The following DGKH variants were observed in gnomAD, a reference collection of about 807,000 sequenced individuals.
DGKH encodes the protein diacylglycerol kinase eta.
DGKH carries 90 observed loss-of-function variants against 159.3 expected under a neutral mutation model. The observed-to-expected ratio is 0.57, with a 90% confidence interval of 0.48 to 0.67. DGKH has a LOEUF of 0.67. Among genes scored for constraint, DGKH ranks in the 30% least tolerant of loss-of-function variants. The pLI, the probability that DGKH is intolerant of heterozygous loss-of-function variation, is 0.00. For synonymous variants in DGKH, 536 were observed against 553.8 expected (o/e 0.97, Z 0.45); for missense variants, 1,181 against 1,506.1 (o/e 0.78, Z 3.57).
chr13:42,224,064 G>A (rs892613529), intron 29 of DGKH, among the ~76,000 whole-genome samples: 1 of 152,118 alleles, frequency 6.6e-6, no homozygotes, highest in Non-Finnish European at 1.5e-5. Context: ...TGCTGCAAAA[G>A]ACATGTTTTC....
At chr13:42,109,791 A>G (rs1344271239) in intron 1 of DGKH, among the ~76,000 whole-genome samples, 1 of 151,996 alleles carries the variant, frequency 6.6e-6, no homozygotes, top group Admixed American at 6.6e-5. Context: ...CACAGAGGAC[A>G]CTCACATTTG....
chr13:42,155,731 G>T lies in DGKH; in HGVS notation c.554G>T (p.Arg185Leu). 5 of 1,613,978 alleles carry T rather than the reference G, an allele frequency of 3.1e-6. No individual in the cohort carries two copies. Among genetic ancestry groups the T allele is most frequent in the Non-Finnish European group, 4.2e-6 (5 of 1,180,002 alleles). Reference protein sequence around the residue: ...MHNWYACSHARPTFCNVCRES... With the variant: ...MHNWYACSHALPTFCNVCRES... Reference sequence around the variant, plus strand: ...AACTGGTACGCCTGCTCCCACGCCCGACCCACCTTCTGTAACGTGTGCAGA... The same window carrying T: ...AACTGGTACGCCTGCTCCCACGCCCTACCCACCTTCTGTAACGTGTGCAGA... The change falls in exon 5 of 30, where the codon CGA becomes CTA. Residue 185 changes from arginine to leucine, a missense_variant. Arg to Leu is a moderately radical substitution (Grantham distance 102). This residue lies in a region of DGKH where 369 missense variants were observed against 519.4 expected (regional missense o/e 0.71). Transcript: ENST00000337343.
At chr13:42,074,423 A>G (rs1883169042) in intron 1 of DGKH, among the ~76,000 whole-genome samples, 1 of 152,234 alleles carries the variant, frequency 6.6e-6, no homozygotes, top group Non-Finnish European at 1.5e-5. Flanking sequence ...AAAATTACCT[A>G]GATTTCATCT....
Position 42,102,264 on chromosome 13 carries a change from A to T in DGKH, c.193-25199A>T, listed in dbSNP as rs1221241763. Among the ~76,000 whole-genome samples the T allele has an allele frequency of 2.6e-5, 4 of 152,364 alleles. No individual in the cohort carries two copies. The East Asian group carries it at 7.7e-4, about 29-fold the overall frequency. ...AGTTTAGAGGTCAAACACCTGCTGGAGCTACACCTGCCTGGCTGGCTGCAG... is the reference window on the plus strand; with the variant it reads ...AGTTTAGAGGTCAAACACCTGCTGGTGCTACACCTGCCTGGCTGGCTGCAG... On this transcript the variant is annotated intron_variant, in intron 1 of 29. Coordinates refer to ENST00000337343, the MANE Select transcript of DGKH (RefSeq NM_178009.5).
chr13:42,209,757 T>C (rs892558824), intron 23 of DGKH, among the ~76,000 whole-genome samples: 4 of 152,204 alleles, frequency 2.6e-5, no homozygotes, highest in African/African-American at 9.6e-5. Context: ...TGTTAACATC[T>C]TGCATTAGTG....
intron 13 of DGKH, among the ~76,000 whole-genome samples, chr13:42,184,072 C>A (rs1191170128): frequency 6.6e-6 from 1 of 152,120 alleles, no homozygotes; most frequent in Non-Finnish European, 1.5e-5. Flanking sequence ...TTAGGCCAAC[C>A]CGCCTCATTT....
chr13:42,165,642 A>T (rs1424745702), intron 8 of DGKH, among the ~76,000 whole-genome samples: 1 of 152,144 alleles, frequency 6.6e-6, no homozygotes, highest in Non-Finnish European at 1.5e-5. Context: ...CATTGGCGAA[A>T]TTACTGTATA....
intron 1 of DGKH, among the ~76,000 whole-genome samples, chr13:42,089,798 G>A (rs1226682411): frequency 1.3e-5 from 2 of 152,094 alleles, no homozygotes; most frequent in African/African-American, 4.8e-5. Flanking sequence ...ATCCCCCTTT[G>A]CCACATAAAG....
Position 42,230,951 on chromosome 13 carries a change from T to C in DGKH, c.*1763T>C, listed in dbSNP as rs1309657287. The C allele has an allele frequency of 6.6e-6, 1 of 152,224 alleles. No homozygotes were observed. The highest frequency in any genetic ancestry group is 1.5e-5 in the Non-Finnish European group (1 of 68,028). The allele number at this position is 152,224 out of a possible 1,614,324, so 9.4% of individuals were successfully genotyped here. A position where few individuals can be genotyped will look rare whatever the true frequency, so the allele number is the denominator to read the frequency against. On this transcript the variant is annotated 3_prime_UTR_variant, in exon 30 of 30. Coordinates refer to ENST00000337343, the MANE Select transcript of DGKH (RefSeq NM_178009.5). ...GTAAAAATCACAAAATTTTAATGTC[T>C]TTAAAATAAATGACCCTGAGGGATT...
intron 13 of DGKH, 87 bp from the exon 14 acceptor site, chr13:42,186,962 A>T (rs1473329774): frequency 2.6e-6 from 3 of 1,154,184 alleles, no homozygotes; most frequent in East Asian, 4.7e-5. Context: ...CAGTTTGCTT[A>T]ATTGTGTTTC....
intron 1 of DGKH, chr13:42,070,444 A>T (rs7997363): frequency 0.27 from 350,667 of 1,299,170 alleles, 50,181 homozygotes; most frequent in Admixed American, 0.39. Flanking sequence ...TGCAGCCTGC[A>T]GCCCACATGT....
At chr13:42,168,262 T>C (rs895520917) in intron 9 of DGKH, among the ~76,000 whole-genome samples, 178 bp from the exon 10 acceptor site, 3 of 152,206 alleles carry the variant, frequency 2.0e-5, no homozygotes, top group Non-Finnish European at 4.4e-5. Context: ...TTCCTCCTTA[T>C]GATTCAGAAG....
chr13:42,159,666 C>T (rs568928849), intron 6 of DGKH, among the ~76,000 whole-genome samples: 1 of 152,242 alleles, frequency 6.6e-6, no homozygotes, highest in South Asian at 2.1e-4. Context: ...GTTCACTCTT[C>T]AGACATTGGG....
chr13:42,047,104 C>T (rs1160307732), upstream of DGKH, among the ~76,000 whole-genome samples: 4 of 152,186 alleles, frequency 2.6e-5, no homozygotes, highest in Admixed American at 2.0e-4. Context: ...CAACTCCTTC[C>T]TTTCCTAAAG....
chr13:42,052,470 C>A (rs1354059491), intron 1 of DGKH, among the ~76,000 whole-genome samples: 1 of 152,174 alleles, frequency 6.6e-6, no homozygotes, highest in Non-Finnish European at 1.5e-5. Context: ...GACAAAAAGT[C>A]ACTTATGTAC....
intron 1 of DGKH, among the ~76,000 whole-genome samples, chr13:42,104,359 G>A (rs1022378941): frequency 3.3e-5 from 5 of 152,208 alleles, no homozygotes; most frequent in African/African-American, 4.8e-5. Context: ...AGAACATGAA[G>A]GAGATAGACC....
At chr13:42,044,920 T>G (rs1275709480), upstream of DGKH, among the ~76,000 whole-genome samples, 4 of 152,194 alleles carry the variant, frequency 2.6e-5, no homozygotes, top group African/African-American at 2.4e-5. Context: ...AAATAGGTAG[T>G]TAGAATTCTA....
intron 1 of DGKH, among the ~76,000 whole-genome samples, chr13:42,082,381 C>T (rs940500682): frequency 6.6e-6 from 1 of 152,034 alleles, no homozygotes; most frequent in Non-Finnish European, 1.5e-5. Flanking sequence ...TAATGACCTT[C>T]TTTATGTCCT....
At chr13:42,206,975 T>TTTTCTCTTTC (rs1555275936) in intron 21 of DGKH, among the ~76,000 whole-genome samples, 3,400 of 82,918 alleles carry the variant, frequency 0.041, 423 homozygotes, top group Non-Finnish European at 0.053. Flanking sequence ...TACTTTTACT[T>TTTTCTCTTTC]TTTCTTTCTT....
Sources: allele counts gnomAD v4.1 joint callset (sites outside exome capture counted in the v4.1 genomes callset), GRCh38; gene constraint gnomAD v4.1.1; regional missense constraint gnomAD v4.1.1; transcripts MANE v1.5; gene names NCBI Gene and HGNC (gene_info 2026-07-23, HGNC 2026-07-21).